The following GBA2 variants were observed in gnomAD, a reference collection of about 807,000 sequenced individuals.
GBA2 encodes glucosylceramidase beta 2, also known as non-lysosomal glucosylceramidase.
A neutral mutation model predicts 112.9 loss-of-function variants in GBA2; 79 were observed. The ratio of observed to expected loss-of-function variants is 0.70; its 90% CI spans 0.58 to 0.84. The LOEUF (loss-of-function observed/expected upper bound fraction) is 0.84, where lower values mean the gene tolerates loss of function less well. Ranked by LOEUF, GBA2 falls within the 40% of genes least tolerant of loss-of-function variation. The pLI is 0.00. For synonymous variants in GBA2, 403 were observed against 434.3 expected, an observed-to-expected ratio of 0.93 and a Z score of 0.90; for missense variants, 1,043 against 1,190.0, an observed-to-expected ratio of 0.88 and a Z score of 1.82.
Position 35,741,980 on chromosome 9 carries a change from G to T in GBA2, c.568-90C>A. ...CCTCAAATCAGCTCCTCCCCTTTCA[G>T]AGCCTGCAACTGTTACCACTGCACC... On this transcript the variant is annotated intron_variant, in intron 3 of 16. Coordinates refer to ENST00000378103, the MANE Select transcript of GBA2 (RefSeq NM_020944.3). This position sits in a 1 kb window ranked among gnomAD's most constrained non-coding sequence, Gnocchi z 4.6. The T allele has an allele frequency of 2.4e-6, 2 of 838,518 alleles. No individual in the cohort carries two copies. Among genetic ancestry groups the T allele is most frequent in the Non-Finnish European group, 4.0e-6 (2 of 503,760 alleles). The allele number at this position is 838,518 out of a possible 1,614,324, so 51.9% of individuals were successfully genotyped here. A position where few individuals can be genotyped will look rare whatever the true frequency, so the allele number is the denominator to read the frequency against.
chr9:35,745,641 G>T (rs1349642756), intron 1 of GBA2, among the ~76,000 whole-genome samples: 2 of 151,176 alleles, frequency 1.3e-5, no homozygotes, highest in Non-Finnish European at 2.9e-5. Flanking sequence ...ATTTTCCTGG[G>T]CTTGGTACAG....
chr9:35,738,190 C>T (rs1326813465), intron 14 of GBA2, 38 bp from the exon 15 acceptor site: 2 of 1,613,068 alleles, frequency 1.2e-6, no homozygotes, highest in Non-Finnish European at 1.7e-6. Flanking sequence ...CTCCTGGTGT[C>T]CTCTCAGCTG....
rs1588017787 is a variant in GBA2, at chr9:35,741,775, T to C, written c.683A>G (p.Tyr228Cys). 6.2e-7 allele frequency: 1 copy of C among 1,613,708 alleles called. No individual in the cohort carries two copies. The highest frequency in any genetic ancestry group is 1.3e-5 in the African/African-American group (1 of 74,838). Residue 228 changes from tyrosine to cysteine, a missense_variant, in exon 4 of 17, where the codon TAC (tyrosine) becomes TGC (cysteine). Tyr to Cys is a radical substitution (Grantham distance 194, BLOSUM62 -2). Transcript: ENST00000378103. This position sits in a 1 kb window ranked among gnomAD's most constrained non-coding sequence, Gnocchi z 4.6. Reference protein sequence around the residue: ...NWGLCGYFAFYHALYPRAWTV... With the variant: ...NWGLCGYFAFCHALYPRAWTV... ...CCAGGCTCGGGGATAGAGGGCATGG[T>C]AGAAAGCAAAGTACCCACACAGGCC... is the stretch of plus-strand genomic sequence containing the variant.
chr9:35,739,285 G>A (rs1303093228), intron 10 of GBA2, 30 bp downstream of exon 10: 2 of 1,443,078 alleles, frequency 1.4e-6, no homozygotes, highest in African/African-American at 1.4e-5. Context: ...GGAGCCAAGA[G>A]GGCAGAAGCG....
In GBA2 at chr9:35,740,905, C is replaced by T. The variant is rs113785628; in HGVS notation, c.946G>A (p.Gly316Arg). The T allele has an allele frequency of 9.4e-3, 15,151 of 1,613,850 alleles. 103 individuals carry two copies. Among genetic ancestry groups the T allele is most frequent in the Non-Finnish European group, 0.011 (13,323 of 1,179,874 alleles). The change falls in exon 5 of 17, where the codon GGG (glycine) becomes AGG (arginine). Residue 316 changes from glycine (G) to arginine (R), a missense_variant. Physicochemically the swap from Gly to Arg is moderately radical, Grantham distance 125 (BLOSUM62 -2). Coordinates refer to ENST00000378103, the MANE Select transcript of GBA2 (RefSeq NM_020944.3). The surrounding 1 kb of genome is among the most constrained non-coding windows in gnomAD (Gnocchi z 4.7). ...AGGAGCAGCCCCCGGACAGTTTCCC[C>T]GCTACGCTCCAGACAGAAGGGCTCA... is the stretch of plus-strand genomic sequence containing the variant. The part of the protein sequence containing the change: ...WNEPFCLERS[G>R]ETVRGLLLHH...
rs1368677857 is a variant in GBA2 at position 35,738,857 on chromosome 9, A to G, written c.1842T>C (p.Thr614=). The G allele has an allele frequency of 6.2e-7, 1 of 1,614,036 alleles. No individual in the cohort carries two copies. The highest frequency in any genetic ancestry group is 8.5e-7 in the Non-Finnish European group (1 of 1,179,878). Residue 614 remains threonine, a synonymous_variant, in exon 12 of 17, where the codon ACT becomes ACC. Coordinates refer to ENST00000378103, the MANE Select transcript of GBA2 (RefSeq NM_020944.3). ...LRVNAYLIHD[T]ADWKDLNLKF... ...TCAGGTTCAGGTCCTTCCAATCAGC[A>G]GTATCATGGATTAAATATGCATTGA...
Position 35,738,066 on chromosome 9 carries a change from C to T in GBA2, c.2284G>A (p.Ala762Thr). ...GTGTCTCCTTCTCCTAGGCCACAGGCCTTCAGGAACCACTGTCCAGCACAC... is the reference window on the plus strand; with the variant it reads ...GTGTCTCCTTCTCCTAGGCCACAGGTCTTCAGGAACCACTGTCCAGCACAC... Reference protein sequence around the residue: ...DQCAGQWFLKACGLGEGDTEV... With the variant: ...DQCAGQWFLKTCGLGEGDTEV... The change falls in exon 15 of 17, where the codon GCC (alanine) becomes ACC (threonine). Residue 762 changes from alanine (A) to threonine (T), a missense_variant. Physicochemically the swap from Ala to Thr is moderately conservative, Grantham distance 58 (BLOSUM62 0). Transcript: ENST00000378103. 2 of 1,612,492 alleles carry T rather than the reference C, an allele frequency of 1.2e-6. No homozygotes were observed. Among genetic ancestry groups the T allele is most frequent in the African/African-American group, 1.3e-5 (1 of 75,000 alleles).
At chr9:35,739,865 G>T in intron 8 of GBA2, 65 bp from the exon 9 acceptor site, 1 of 1,568,882 alleles carries the variant, frequency 6.4e-7, no homozygotes, top group South Asian at 1.1e-5. Context: ...AAGGATTTGG[G>T]GGTTCAGCAG....
chr9:35,747,255 T>C (rs1255735151), intron 1 of GBA2, among the ~76,000 whole-genome samples: 2 of 152,158 alleles, frequency 1.3e-5, no homozygotes, highest in African/African-American at 4.8e-5. Context: ...GCCCATCTTT[T>C]CTTGATCTCA....
rs1455141621 is a variant in GBA2 at position 35,738,249 on chromosome 9, T to C, written c.2180A>G (p.Glu727Gly). Residue 727 changes from glutamate to glycine, a missense_variant, in exon 14 of 17, where the codon GAG becomes GGG. Coordinates refer to ENST00000378103, the MANE Select transcript of GBA2 (RefSeq NM_020944.3). The stretch of plus-strand genomic sequence containing the variant: ...GAACTCACCATTCCACAGCAGTCTC[T>C]CATAGGCTTCTTGGCCCCGGCTGAG... ...SILSRGQEAY[E>G]RLLWNGRYYN... 3 of 1,614,160 alleles carry C rather than the reference T, an allele frequency of 1.9e-6. No homozygotes were observed. The highest frequency in any genetic ancestry group is 8.5e-7 in the Non-Finnish European group (1 of 1,180,014).
At position 35,741,905 on chromosome 9, in the gene GBA2, T is replaced by C. The variant is rs968560004; in HGVS notation, c.568-15A>G. ...CACACTGTGAACTTAAGAGGGCAGATAGGCTGGAACGGGGTAAACCACAGG... is the reference window on the plus strand; with the variant it reads ...CACACTGTGAACTTAAGAGGGCAGACAGGCTGGAACGGGGTAAACCACAGG... On this transcript the variant is annotated splice_polypyrimidine_tract_variant and intron_variant, in intron 3 of 16. Transcript: ENST00000378103. The surrounding 1 kb of genome is among the most constrained non-coding windows in gnomAD (Gnocchi z 4.6). The C allele has an allele frequency of 8.8e-6, 14 of 1,593,524 alleles. No homozygotes were observed. The highest frequency in any genetic ancestry group is 5.0e-5 in the Admixed American group (3 of 59,940).
Position 35,741,105 on chromosome 9 carries a change from G to A in GBA2, c.787-41C>T, listed in dbSNP as rs201595361. On this transcript the variant is annotated intron_variant, in intron 4 of 16. Coordinates refer to ENST00000378103, the MANE Select transcript of GBA2 (RefSeq NM_020944.3). The surrounding 1 kb of genome is among the most constrained non-coding windows in gnomAD (Gnocchi z 4.6). ...TAGACTCAGACGGTCCCAGTAGAGC[G>A]CCTCCTGACCCCACTCTGCTAGGAT... 1.7e-4 allele frequency: 270 copies of A among 1,608,164 alleles called. 1 individual carries two copies. The East Asian group carries it at 4.1e-3, about 25-fold the overall frequency.
Position 35,739,020 on chromosome 9 carries a change from G to C in GBA2, c.1777C>G (p.His593Asp). 6.2e-7 allele frequency: 1 copy of C among 1,611,218 alleles called. No individual in the cohort carries two copies. Among genetic ancestry groups the C allele is most frequent in the Non-Finnish European group, 8.5e-7 (1 of 1,177,484 alleles). Reference sequence around the variant, plus strand: ...CTTTTACCTGGGTCCCCAATATCATGGGGGATGACGTTCCTCCTTTTCACA... The same window carrying C: ...CTTTTACCTGGGTCCCCAATATCATCGGGGATGACGTTCCTCCTTTTCACA... ...APVKRRNVIP[H>D]DIGDPDDEPW... Residue 593 changes from histidine to aspartate, a missense_variant, in exon 11 of 17, where the codon CAT becomes GAT. By Grantham distance (81) the His-to-Asp change is moderately conservative. Coordinates refer to ENST00000378103, the MANE Select transcript of GBA2 (RefSeq NM_020944.3).
chr9:35,748,538 T>C lies in GBA2; in HGVS notation c.167A>G (p.Glu56Gly). ...GTCCTCCGGATTGCAGCAGTCCGTC[T>C]CTTTTGGGGGTCGGCTGTCTTCGGG... ...KSPEDSRPPK[E>G]TDCCNPEDSG... is the part of the protein sequence containing the mutation. Residue 56 changes from glutamate (E) to glycine (G), a missense_variant, in exon 1 of 17, where the codon GAG becomes GGG. By Grantham distance (98) the Glu-to-Gly change is moderately conservative. Coordinates refer to ENST00000378103, the MANE Select transcript of GBA2 (RefSeq NM_020944.3). The C allele has an allele frequency of 1.9e-6, 3 of 1,614,168 alleles. No homozygotes were observed. Among genetic ancestry groups the C allele is most frequent in the Non-Finnish European group, 2.5e-6 (3 of 1,180,034 alleles).
chr9:35,737,962 A>T lies in GBA2; in HGVS notation c.2314-23T>A. ...CACCTGGAGGGGCAAGGGCAGGAAC[A>T]TGGTCTCATATACTTACTTCCCACC... On this transcript the variant is annotated intron_variant, in intron 15 of 16. Transcript: ENST00000378103. This position sits in a 1 kb window ranked among gnomAD's most constrained non-coding sequence, Gnocchi z 4.1. 1 of 1,605,546 alleles carries T rather than the reference A, an allele frequency of 6.2e-7. No homozygotes were observed. The highest frequency in any genetic ancestry group is 2.2e-5 in the East Asian group (1 of 44,776).
chr9:35,739,773 C>T lies in GBA2; in HGVS notation c.1437G>A (p.Ala479=), dbSNP rs751305757. 21 of 1,613,888 alleles carry T rather than the reference C, an allele frequency of 1.3e-5. No individual in the cohort carries two copies. Among genetic ancestry groups the T allele is most frequent in the South Asian group, 6.6e-5 (6 of 91,080 alleles). The change falls in exon 9 of 17, where the codon GCG becomes GCA. Residue 479 remains alanine (A), a synonymous_variant. Coordinates refer to ENST00000378103, the MANE Select transcript of GBA2 (RefSeq NM_020944.3). The part of the protein sequence containing the change: ...DRSLPAWYKS[A]LFNELYFLAD... ...CCAGGAAGTATAGTTCATTGAACAG[C>T]GCAGATTTGTACCAGGCAGGCAGTG...
chr9:35,748,648 T>A lies in GBA2; in HGVS notation c.57A>T (p.Ile19=). The A allele has an allele frequency of 6.2e-7, 1 of 1,605,980 alleles. No individual in the cohort carries two copies. ...MGTGVPASEQ[I]SCAKEDPQVY... ...CTTGTGGATCCTCTTTGGCACAGCT[T>A]ATCTGCTCCGAGGCTGGGACGCCGG... The change falls in exon 1 of 17, where the codon ATA becomes ATT. Residue 19 remains isoleucine (I), a synonymous_variant. Transcript: ENST00000378103.
chr9:35,737,578 CCA>C lies in GBA2; in HGVS notation c.2506-133_2506-132del. On this transcript the variant is annotated intron_variant, in intron 16 of 16. Transcript: ENST00000378103. This position sits in a 1 kb window ranked among gnomAD's most constrained non-coding sequence, Gnocchi z 4.1. Reference sequence around the variant, plus strand: ...AGCAAGTGGAGGAGATAACTATGACCCACAGACAGAAGCCTGAAGGCAGGAGC... The same window carrying C: ...AGCAAGTGGAGGAGATAACTATGACCCAGACAGAAGCCTGAAGGCAGGAGC... The C allele has an allele frequency of 6.4e-7, 1 of 1,558,030 alleles. No homozygotes were observed. Among genetic ancestry groups the C allele is most frequent in the Non-Finnish European group, 8.7e-7 (1 of 1,149,510 alleles).
Position 35,748,658 on chromosome 9 carries a change from G to A in GBA2, c.47C>T (p.Ser16Leu), listed in dbSNP as rs138710286. ...PGNMGTGVPA[S>L]EQISCAKEDP... ...CTCTTTGGCACAGCTTATCTGCTCCGAGGCTGGGACGCCGGTTCCCATGTT... is the reference window on the plus strand; with the variant it reads ...CTCTTTGGCACAGCTTATCTGCTCCAAGGCTGGGACGCCGGTTCCCATGTT... The change falls in exon 1 of 17, where the codon TCG becomes TTG. Residue 16 changes from serine (S) to leucine (L), a missense_variant. By Grantham distance (145) the Ser-to-Leu change is moderately radical. Transcript: ENST00000378103. 3 of 1,597,816 alleles carry A rather than the reference G, an allele frequency of 1.9e-6. No homozygotes were observed. The highest frequency in any genetic ancestry group is 1.3e-5 in the African/African-American group (1 of 74,298).
Sources: allele counts gnomAD v4.1 joint callset (sites outside exome capture counted in the v4.1 genomes callset), GRCh38; gene constraint gnomAD v4.1.1; non-coding constraint Gnocchi (gnomAD v3.1); transcripts MANE v1.5; gene names NCBI Gene and HGNC (gene_info 2026-07-23, HGNC 2026-07-21).